KIF13B: variants seen among roughly 807,000 people sequenced by gnomAD.
KIF13B encodes kinesin family member 13B.
Under a neutral mutation model 222.0 loss-of-function variants are expected in KIF13B, and 127 were observed. That is an observed-to-expected ratio of 0.57 (90% CI 0.50 to 0.66). The LOEUF (loss-of-function observed/expected upper bound fraction) is 0.66. Ranked by LOEUF, KIF13B falls within the 30% of genes least tolerant of loss-of-function variation. The probability of loss-of-function intolerance (pLI) is 0.00; values close to 1 mark genes in which losing one functional copy is unlikely to be tolerated. For missense variants in KIF13B, 2,173 were observed against 2,379.0 expected (o/e 0.91, Z 1.80); for synonymous variants, 976 against 919.0 (o/e 1.06, Z -1.12).
chr8:29,213,325 T>G (rs1243058433), intron 2 of KIF13B, among the ~76,000 whole-genome samples: 1 of 152,242 alleles, frequency 6.6e-6, no homozygotes. Flanking sequence ...TCACATATTA[T>G]TTTCTCTAAT....
intron 12 of KIF13B, among the ~76,000 whole-genome samples, chr8:29,163,840 C>T (rs781110122): frequency 6.6e-5 from 10 of 152,182 alleles, no homozygotes; most frequent in Non-Finnish European, 1.3e-4. Context: ...TTTCTATCAG[C>T]ACAATGACTC....
intron 13 of KIF13B, among the ~76,000 whole-genome samples, chr8:29,158,727 G>C (rs975811661): frequency 2.0e-5 from 3 of 152,240 alleles, no homozygotes; most frequent in Middle Eastern, 3.4e-3. Flanking sequence ...CTTGCTGTGG[G>C]GTTAGCTTGG....
chr8:29,232,798 C>T (rs1162922722), intron 2 of KIF13B, among the ~76,000 whole-genome samples: 1 of 152,150 alleles, frequency 6.6e-6, no homozygotes, highest in Non-Finnish European at 1.5e-5. Context: ...TCCTGGTAGA[C>T]ACAGAGACTC....
intron 13 of KIF13B, among the ~76,000 whole-genome samples, chr8:29,156,512 TTTA>T (rs1382927631): frequency 1.3e-4 from 19 of 151,800 alleles, no homozygotes; most frequent in Non-Finnish European, 2.6e-4. Flanking sequence ...TCACTTATTT[TTTA>T]TTTATTTATT....
intron 15 of KIF13B, 92 bp downstream of exon 15, chr8:29,150,205 G>A: frequency 1.4e-6 from 1 of 692,194 alleles, no homozygotes; most frequent in African/African-American, 1.8e-5. Context: ...TAACATAATT[G>A]TTGTAGAGAA....
chr8:29,156,908 A>G (rs1184020728), intron 13 of KIF13B, among the ~76,000 whole-genome samples: 1 of 152,094 alleles, frequency 6.6e-6, no homozygotes, highest in Non-Finnish European at 1.5e-5. Flanking sequence ...CGCCAAAGCT[A>G]AACTCTTGTT....
intron 26 of KIF13B, 105 bp from the exon 27 acceptor site, chr8:29,124,228 T>C (rs959163175): frequency 7.9e-6 from 5 of 635,520 alleles, no homozygotes; most frequent in Non-Finnish European, 1.4e-5. Flanking sequence ...AAAGGTAAGG[T>C]AGTATACAAT....
chr8:29,244,055 C>T (rs1385437110), intron 2 of KIF13B, among the ~76,000 whole-genome samples: 1 of 152,106 alleles, frequency 6.6e-6, no homozygotes, highest in Non-Finnish European at 1.5e-5. Context: ...GCTCTGTCGC[C>T]CAGGCTGGAG....
intron 32 of KIF13B, among the ~76,000 whole-genome samples, chr8:29,111,586 A>G (rs1586793029): frequency 6.6e-6 from 1 of 152,360 alleles, no homozygotes; most frequent in Admixed American, 6.5e-5. Context: ...GGTTATGTTT[A>G]TCTTCAAGCT....
intron 1 of KIF13B, among the ~76,000 whole-genome samples, chr8:29,256,750 T>TTTG (rs1554626977): frequency 6.6e-6 from 1 of 151,664 alleles, no homozygotes; most frequent in African/African-American, 2.4e-5. Context: ...TTACTACTTT[T>TTTG]TTTGTTTGTT....
chr8:29,259,032 C>A (rs1447147253), intron 1 of KIF13B, among the ~76,000 whole-genome samples: 1 of 152,128 alleles, frequency 6.6e-6, no homozygotes, highest in Non-Finnish European at 1.5e-5. Context: ...CTAGCTCTTG[C>A]CCATTCCTGT....
At chr8:29,124,530 T>C (rs1359619307) in intron 26 of KIF13B, among the ~76,000 whole-genome samples, 2 of 152,072 alleles carry the variant, frequency 1.3e-5, no homozygotes, top group Middle Eastern at 3.4e-3. Context: ...GGTGAATCAC[T>C]TGAGGACGGG....
intron 24 of KIF13B, among the ~76,000 whole-genome samples, chr8:29,127,527 G>A (rs1810168021): frequency 6.6e-6 from 1 of 152,016 alleles, no homozygotes; most frequent in African/African-American, 2.4e-5. Flanking sequence ...TTCTAAGAAA[G>A]GAAATGCAAA....
chr8:29,130,509 T>C (rs764872906), intron 24 of KIF13B, 24 bp downstream of exon 24: 6 of 1,612,846 alleles, frequency 3.7e-6, no homozygotes, highest in South Asian at 3.3e-5. Context: ...AAGAATCTAA[T>C]GTAAACATTC....
chr8:29,084,847 A>G (rs943887889), intron 37 of KIF13B, among the ~76,000 whole-genome samples: 2 of 152,236 alleles, frequency 1.3e-5, no homozygotes, highest in Non-Finnish European at 2.9e-5. Flanking sequence ...CATTAATTGC[A>G]GTTCATTATT....
In KIF13B at chr8:29,242,808, T is replaced by C. The variant is rs188678554; in HGVS notation, c.149+2538A>G. ...TGTTTTGACCTGGTTTTCCAATTAG[T>C]TGATACCAAGAAGGAGAAGAATGGA... On this transcript the variant is annotated intron_variant, in intron 2 of 39. Coordinates refer to ENST00000524189, the MANE Select transcript of KIF13B (RefSeq NM_015254.4). 1.7e-3 allele frequency among the ~76,000 whole-genome samples: 252 copies of C among 152,354 alleles called. 1 individual carries two copies. The highest frequency in any genetic ancestry group is 5.8e-3 in the African/African-American group (243 of 41,572).
chr8:29,073,927 T>G (rs1807432578), intron 38 of KIF13B, among the ~76,000 whole-genome samples: 1 of 152,232 alleles, frequency 6.6e-6, no homozygotes, highest in African/African-American at 2.4e-5. Context: ...GCATAAATAC[T>G]CTAAAAGATT....
At chr8:29,222,558 A>G (rs78319635) in intron 2 of KIF13B, among the ~76,000 whole-genome samples, 3 of 71,764 alleles carry the variant, frequency 4.2e-5, no homozygotes, top group Admixed American at 2.0e-4. Context: ...TTTTTTTTGT[A>G]GAGACAGGGT....
In KIF13B at chr8:29,190,993, T is replaced by C. The variant is rs572983738; in HGVS notation, c.223+4A>G. On this transcript the variant is annotated splice_donor_region_variant and intron_variant, in intron 4 of 39. Transcript: ENST00000524189. ...GTAGTTGACAGGATGCTGGATTCTA[T>C]TACCTGCATACTTTTCTTTGACAGA... is the stretch of plus-strand genomic sequence containing the variant. 6.8e-5 allele frequency: 109 copies of C among 1,608,574 alleles called. No individual in the cohort carries two copies. In the South Asian group the frequency reaches 1.1e-3, roughly 16 times the overall value.
Sources: allele counts gnomAD v4.1 joint callset (sites outside exome capture counted in the v4.1 genomes callset), GRCh38; gene constraint gnomAD v4.1.1; transcripts MANE v1.5; gene names NCBI Gene and HGNC (gene_info 2026-07-23, HGNC 2026-07-21).